Variants in UQCRC2 observed in about 807,000 individuals in gnomAD.
UQCRC2 encodes the protein cytochrome b-c1 complex subunit 2, mitochondrial.
In UQCRC2, 49 loss-of-function variants were observed where a neutral mutation model predicts 55.6. The ratio of observed to expected loss-of-function variants is 0.88; its 90% CI spans 0.70 to 1.12. UQCRC2 has a LOEUF of 1.12. Among genes scored for constraint, UQCRC2 ranks in the 50% most tolerant of loss-of-function variants. The pLI is 0.00. For synonymous variants in UQCRC2, 193 were observed against 192.0 expected (o/e 1.01, Z -0.04); for missense variants, 506 against 547.8 (o/e 0.92, Z 0.76).
At chr16:21,974,056 A>G (rs1898525690) in intron 11 of UQCRC2, 80 bp downstream of exon 11, 9 of 1,346,022 alleles carry the variant, frequency 6.7e-6, no homozygotes, top group Non-Finnish European at 8.3e-6. Context: ...CGGTTAAAAT[A>G]TGGAATGTTT....
At chr16:21,964,617 T>G (rs1210461541) in intron 6 of UQCRC2, among the ~76,000 whole-genome samples, 1 of 152,140 alleles carries the variant, frequency 6.6e-6, no homozygotes, top group African/African-American at 2.4e-5. Context: ...TCCCAAATGA[T>G]TTCCCCTGGG....
intron 7 of UQCRC2, among the ~76,000 whole-genome samples, chr16:21,967,432 C>G (rs902558348): frequency 1.3e-5 from 2 of 151,862 alleles, no homozygotes; most frequent in Non-Finnish European, 2.9e-5. Flanking sequence ...ACATAGAAGT[C>G]GTAAGTTTTT....
rs369663098 is a variant in UQCRC2 at position 21,953,393 on chromosome 16, C to G, written c.-31C>G. The G allele has an allele frequency of 1.2e-6, 2 of 1,611,106 alleles. No individual in the cohort carries two copies. Among genetic ancestry groups the G allele is most frequent in the Non-Finnish European group, 1.7e-6 (2 of 1,178,952 alleles). The stretch of plus-strand genomic sequence containing the variant: ...ACCATCTTGCTTTCCTTTAATCCGG[C>G]AGTGACCGTGTGTCAGAACAATCTT... On this transcript the variant is annotated 5_prime_UTR_variant, in exon 1 of 14. Transcript: ENST00000268379.
At chr16:21,956,943 C>T (rs1898095232) in intron 1 of UQCRC2, among the ~76,000 whole-genome samples, 1 of 152,046 alleles carries the variant, frequency 6.6e-6, no homozygotes, top group East Asian at 1.9e-4. Flanking sequence ...GTGGCACGCA[C>T]CTGTAATTCC....
At chr16:21,969,758 A>G (rs1392704563) in intron 8 of UQCRC2, among the ~76,000 whole-genome samples, 1 of 152,148 alleles carries the variant, frequency 6.6e-6, no homozygotes, top group Non-Finnish European at 1.5e-5. Context: ...AACTATTACC[A>G]CTACCTAATT....
intron 6 of UQCRC2, among the ~76,000 whole-genome samples, chr16:21,963,988 C>T (rs1216376737): frequency 1.3e-5 from 2 of 151,986 alleles, no homozygotes; most frequent in East Asian, 1.9e-4. Context: ...ACAAGTACAA[C>T]TGGTAATACA....
chr16:21,953,458 T>G lies in UQCRC2; in HGVS notation c.33+2T>G. 1.2e-6 allele frequency: 2 copies of G among 1,612,650 alleles called. No individual in the cohort carries two copies. Among genetic ancestry groups the G allele is most frequent in the Non-Finnish European group, 8.5e-7 (1 of 1,179,404 alleles). On this transcript the variant is annotated splice_donor_variant, in intron 1 of 13. Transcript: ENST00000268379. LOFTEE classifies it high-confidence loss of function. ...CTAACCAGAGCCGGCTCTTTCTCGG[T>G]GAGCTCAGGTGGCGGGTTTGGGAAA...
chr16:21,953,438 C>T lies in UQCRC2; in HGVS notation c.15C>T (p.Thr5=), dbSNP rs1898044225. The T allele has an allele frequency of 6.2e-7, 1 of 1,613,022 alleles. No homozygotes were observed. The highest frequency in any genetic ancestry group is 8.5e-7 in the Non-Finnish European group (1 of 1,179,666). The change falls in exon 1 of 14, where the codon ACC becomes ACT. Residue 5 remains threonine (T), a synonymous_variant. Coordinates refer to ENST00000268379, the MANE Select transcript of UQCRC2 (RefSeq NM_003366.4). ...AATCTTGAATCATGAAGCTACTAAC[C>T]AGAGCCGGCTCTTTCTCGGTGAGCT... MKLL[T]RAGSFSRFYS...
intron 13 of UQCRC2, among the ~76,000 whole-genome samples, chr16:21,982,092 A>G (rs1898745178): frequency 6.6e-6 from 1 of 151,938 alleles, no homozygotes. Flanking sequence ...CACCCGCCTC[A>G]GCCTTCCAAA....
chr16:21,957,373 A>G lies in UQCRC2; in HGVS notation c.118-44A>G, dbSNP rs559635862. 1.0e-4 allele frequency: 165 copies of G among 1,613,856 alleles called. 2 individuals carry two copies. The South Asian group carries it at 1.2e-3, about 12-fold the overall frequency. On this transcript the variant is annotated intron_variant, in intron 2 of 13. Transcript: ENST00000268379. ...CTATACATGCCTTACTCTCCTTGGTAATACGAAGACATTCATTATATCTCT... is the reference window on the plus strand; with the variant it reads ...CTATACATGCCTTACTCTCCTTGGTGATACGAAGACATTCATTATATCTCT...
chr16:21,980,988 C>T (rs1316315465), intron 13 of UQCRC2, among the ~76,000 whole-genome samples: 3 of 152,150 alleles, frequency 2.0e-5, no homozygotes, highest in African/African-American at 7.2e-5. Flanking sequence ...GCATTTAATA[C>T]ACCTAACGTA....
At chr16:21,972,435 T>C (rs1462985561) in intron 10 of UQCRC2, among the ~76,000 whole-genome samples, 1 of 152,230 alleles carries the variant, frequency 6.6e-6, no homozygotes, top group Admixed American at 6.5e-5. Context: ...TTCTAACTAG[T>C]CTTTTTTTCT....
At chr16:21,968,267 G>T (rs1282908728) in intron 7 of UQCRC2, among the ~76,000 whole-genome samples, 9 of 152,130 alleles carry the variant, frequency 5.9e-5, no homozygotes, top group Non-Finnish European at 1.3e-4. Flanking sequence ...CTCCCAGAGT[G>T]CTGGGATTAC....
chr16:21,965,527 A>T, intron 7 of UQCRC2, 22 bp downstream of exon 7: 2 of 1,521,696 alleles, frequency 1.3e-6, no homozygotes, highest in Non-Finnish European at 1.8e-6. Flanking sequence ...ACATATTTTG[A>T]AATGTGCTTG....
intron 6 of UQCRC2, among the ~76,000 whole-genome samples, chr16:21,964,319 T>C (rs1346943629): frequency 6.6e-6 from 1 of 152,186 alleles, no homozygotes; most frequent in East Asian, 1.9e-4. Flanking sequence ...CCTGAACAGT[T>C]ACTGTGTAGT....
Position 21,976,215 on chromosome 16 carries a change from C to T in UQCRC2, c.1096C>T (p.Leu366Phe). Residue 366 changes from leucine (L) to phenylalanine (F), a missense_variant, in exon 12 of 14, where the codon CTT becomes TTT. Leu to Phe is a conservative substitution (Grantham distance 22, BLOSUM62 0). Coordinates refer to ENST00000268379, the MANE Select transcript of UQCRC2 (RefSeq NM_003366.4). ...NQVKTIAQGN[L>F]SNTDVQAAKN... is the part of the protein sequence containing the mutation. ...AGTAAAAACAATAGCTCAAGGAAACCTTTCCAACACAGATGTCCAAGCTGC... is the reference window on the plus strand; with the variant it reads ...AGTAAAAACAATAGCTCAAGGAAACTTTTCCAACACAGATGTCCAAGCTGC... 1 of 1,613,964 alleles carries T rather than the reference C, an allele frequency of 6.2e-7. No homozygotes were observed. The highest frequency in any genetic ancestry group is 8.5e-7 in the Non-Finnish European group (1 of 1,179,880).
chr16:21,965,470 C>G lies in UQCRC2; in HGVS notation c.577C>G (p.Pro193Ala). ...RNALANPLYC[P>A]DYRIGKVTSE... Reference sequence around the variant, plus strand: ...TGCCTTGGCTAATCCCTTGTATTGTCCTGACTATAGGATTGGAAAAGTGAC... The same window carrying G: ...TGCCTTGGCTAATCCCTTGTATTGTGCTGACTATAGGATTGGAAAAGTGAC... Residue 193 changes from proline (P) to alanine (A), a missense_variant, in exon 7 of 14, where the codon CCT (proline) becomes GCT (alanine). Coordinates refer to ENST00000268379, the MANE Select transcript of UQCRC2 (RefSeq NM_003366.4). 1.2e-6 allele frequency: 2 copies of G among 1,612,734 alleles called. No homozygotes were observed. The highest frequency in any genetic ancestry group is 4.5e-5 in the East Asian group (2 of 44,758).
intron 13 of UQCRC2, among the ~76,000 whole-genome samples, chr16:21,981,198 C>G (rs1468899288): frequency 6.6e-6 from 1 of 152,162 alleles, no homozygotes; most frequent in African/African-American, 2.4e-5. Context: ...CTAGGACATT[C>G]TCTTGTTCTT....
intron 6 of UQCRC2, among the ~76,000 whole-genome samples, chr16:21,963,768 C>A (rs1193911443): frequency 6.6e-6 from 1 of 152,114 alleles, no homozygotes; most frequent in South Asian, 2.1e-4. Flanking sequence ...TGTGCCTGAC[C>A]CCTAGTGATT....
Sources: allele counts gnomAD v4.1 joint callset (sites outside exome capture counted in the v4.1 genomes callset), GRCh38; gene constraint gnomAD v4.1.1; transcripts MANE v1.5; gene names NCBI Gene and HGNC (gene_info 2026-07-23, HGNC 2026-07-21).